Variants in TMEM233 observed in about 807,000 individuals in gnomAD.
The protein encoded by TMEM233 is dispanin subfamily B member 2.
TMEM233 carries 6 observed loss-of-function variants against 11.2 expected under a neutral mutation model. That is an observed-to-expected ratio of 0.54 (90% CI 0.29 to 1.06). TMEM233 has a LOEUF of 1.06. Among genes scored for constraint, TMEM233 ranks in the 50% least tolerant of loss-of-function variants. The pLI is 0.08. For synonymous variants in TMEM233, 59 were observed against 55.8 expected (o/e 1.06, Z -0.26); for missense variants, 127 against 144.7 (o/e 0.88, Z 0.63).
the TMEM233 span, among the ~76,000 whole-genome samples, chr12:119,653,208 C>T: frequency 3.4e-4 from 52 of 151,768 alleles, no homozygotes; most frequent in Non-Finnish European, 5.5e-4. Flanking sequence ...CTGGCTAACA[C>T]GGAGAAACCC....
At chr12:119,629,643 T>C in intron 1 of TMEM233, 93 bp from the exon 2 acceptor site, 2 of 1,332,314 alleles carry the variant, frequency 1.5e-6, no homozygotes, top group East Asian at 5.2e-5. Flanking sequence ...ACCAGAGAGC[T>C]CTTGGAACCT....
chr12:119,604,005 G>T (rs1049842714), intron 1 of TMEM233, among the ~76,000 whole-genome samples: 2 of 152,194 alleles, frequency 1.3e-5, no homozygotes, highest in South Asian at 4.1e-4. Flanking sequence ...AATTTTCCTG[G>T]CTGGTCCAGA....
chr12:119,613,959 C>A (rs1167019807), intron 1 of TMEM233, among the ~76,000 whole-genome samples: 1 of 151,462 alleles, frequency 6.6e-6, no homozygotes, highest in Admixed American at 6.6e-5. Context: ...CAGACGGGGG[C>A]AGGAAACGGG....
chr12:119,611,997 CT>C (rs536116475), intron 1 of TMEM233, among the ~76,000 whole-genome samples: 50 of 147,116 alleles, frequency 3.4e-4, no homozygotes, highest in Middle Eastern at 3.5e-3. Context: ...CATAGATATT[CT>C]TTTTTTTTTT....
At chr12:119,609,818 G>C (rs1037991782) in intron 1 of TMEM233, among the ~76,000 whole-genome samples, 12 of 152,246 alleles carry the variant, frequency 7.9e-5, no homozygotes, top group African/African-American at 2.7e-4. Flanking sequence ...TGCTGCAGGA[G>C]TGAAGTCCTC....
At position 119,594,273 on chromosome 12, in the gene TMEM233, G is replaced by A. The variant is rs947144315; in HGVS notation, c.186+239G>A. 2.0e-6 allele frequency: 1 copy of A among 493,060 alleles called. No homozygotes were observed. The allele number at this position is 493,060 out of a possible 1,614,324, so 30.5% of individuals were successfully genotyped here. ...AGAGCCCTGATCAAGCTTCCCCCAG[G>A]CTAGCTTTCCTCTTCTTTCCAGCTC... On this transcript the variant is annotated intron_variant, in intron 1 of 2. Transcript: ENST00000426426. The surrounding 1 kb of genome is among the most constrained non-coding windows in gnomAD (Gnocchi z 5.6).
chr12:119,633,486 C>A (rs996832886), intron 2 of TMEM233, among the ~76,000 whole-genome samples: 1 of 152,026 alleles, frequency 6.6e-6, no homozygotes, highest in African/African-American at 2.4e-5. Flanking sequence ...ATTTGGAAGG[C>A]TGAGATGGGA....
At chr12:119,617,501 T>C (rs995150524) in intron 1 of TMEM233, among the ~76,000 whole-genome samples, 2 of 152,106 alleles carry the variant, frequency 1.3e-5, no homozygotes, top group Admixed American at 1.3e-4. Context: ...AAGCAGATCA[T>C]AAAAGTTTGA....
At chr12:119,596,251 CAA>C (rs1954046233) in intron 1 of TMEM233, among the ~76,000 whole-genome samples, 1 of 152,138 alleles carries the variant, frequency 6.6e-6, no homozygotes, top group African/African-American at 2.4e-5. Context: ...ATGAAGCAGC[CAA>C]TTCACTCCTT....
chr12:119,633,571 A>G (rs955340028), intron 2 of TMEM233, among the ~76,000 whole-genome samples: 5 of 152,210 alleles, frequency 3.3e-5, no homozygotes, highest in Non-Finnish European at 5.9e-5. Context: ...TACATGACAG[A>G]GTGAGACCCT....
At chr12:119,639,910 C>T (rs1358713259) in intron 2 of TMEM233, among the ~76,000 whole-genome samples, 1 of 152,124 alleles carries the variant, frequency 6.6e-6, no homozygotes, top group African/African-American at 2.4e-5. Context: ...TGTAAATAAG[C>T]ATTGAATAAA....
At chr12:119,603,258 G>A (rs567478967) in intron 1 of TMEM233, among the ~76,000 whole-genome samples, 8 of 152,026 alleles carry the variant, frequency 5.3e-5, no homozygotes, top group Admixed American at 2.0e-4. Flanking sequence ...GCAACAGAAC[G>A]AGACCCTGTC....
intron 1 of TMEM233, among the ~76,000 whole-genome samples, chr12:119,616,445 C>A (rs574726513): frequency 2.0e-4 from 31 of 152,324 alleles, no homozygotes; most frequent in African/African-American, 6.0e-4. Context: ...CAGCAACTGG[C>A]TGCTTAGCAC....
At position 119,641,070 on chromosome 12, in the gene TMEM233, C is replaced by G. The variant is rs1003606995; in HGVS notation, c.*365C>G. ...TTTTCACTGAGGGGATCCAGGGGGT[C>G]TCCATATAGGGGGAGATGGAGGTTT... On this transcript the variant is annotated 3_prime_UTR_variant, in exon 3 of 3. Coordinates refer to ENST00000426426, the MANE Select transcript of TMEM233 (RefSeq NM_001136534.3). The G allele has an allele frequency of 1.2e-5, 3 of 246,070 alleles. No homozygotes were observed. The highest frequency in any genetic ancestry group is 6.7e-5 in the African/African-American group (3 of 44,968). The allele number at this position is 246,070 out of a possible 1,614,324, so 15.2% of individuals were successfully genotyped here. A position where few individuals can be genotyped will look rare whatever the true frequency, so the allele number is the denominator to read the frequency against.
At chr12:119,615,748 T>C (rs1358201140) in intron 1 of TMEM233, among the ~76,000 whole-genome samples, 2 of 152,218 alleles carry the variant, frequency 1.3e-5, no homozygotes, top group African/African-American at 4.8e-5. Flanking sequence ...CACATTTTCC[T>C]GGCTTAGGGC....
chr12:119,607,405 C>G (rs1593282704), intron 1 of TMEM233, among the ~76,000 whole-genome samples: 2 of 152,138 alleles, frequency 1.3e-5, no homozygotes, highest in South Asian at 2.1e-4. Flanking sequence ...GGATTGTTGT[C>G]TGAATTAAAT....
chr12:119,633,451 G>C (rs147178895), intron 2 of TMEM233, among the ~76,000 whole-genome samples: 2,509 of 152,094 alleles, frequency 0.016, 63 homozygotes, highest in African/African-American at 0.056. Flanking sequence ...GCTGGGCATG[G>C]TGGCACACAC....
intron 1 of TMEM233, among the ~76,000 whole-genome samples, chr12:119,613,452 G>C (rs1222708663): frequency 6.6e-6 from 1 of 152,164 alleles, no homozygotes; most frequent in Non-Finnish European, 1.5e-5. Context: ...CTCGCGTCAA[G>C]AGCACAAAGG....
intron 1 of TMEM233, among the ~76,000 whole-genome samples, chr12:119,614,525 T>G (rs1436340029): frequency 3.3e-5 from 5 of 152,116 alleles, no homozygotes; most frequent in Admixed American, 3.3e-4. Flanking sequence ...GTAACCAAAT[T>G]TTTATTAAAT....
Sources: allele counts gnomAD v4.1 joint callset (sites outside exome capture counted in the v4.1 genomes callset), GRCh38; gene constraint gnomAD v4.1.1; non-coding constraint Gnocchi (gnomAD v3.1); transcripts MANE v1.5; gene names NCBI Gene and HGNC (gene_info 2026-07-23, HGNC 2026-07-21).